Variants in STK39 observed in about 807,000 individuals in gnomAD.
STK39 encodes STE20/SPS1-related proline-alanine-rich protein kinase.
In STK39, 20 loss-of-function variants were observed where a neutral mutation model predicts 77.8. The ratio of observed to expected loss-of-function variants is 0.26; its 90% CI spans 0.18 to 0.37. The LOEUF is 0.37. Ranked by LOEUF, STK39 falls within the 10% of genes least tolerant of loss-of-function variation. The probability of loss-of-function intolerance (pLI) is 1.00; values close to 1 mark genes in which losing one functional copy is unlikely to be tolerated. For missense variants in STK39, 479 were observed against 656.5 expected, an observed-to-expected ratio of 0.73 and a Z score of 2.95; for synonymous variants, 246 against 234.1, an observed-to-expected ratio of 1.05 and a Z score of -0.47.
At chr2:168,209,165 T>C (rs150718808) in intron 1 of STK39, among the ~76,000 whole-genome samples, 23 of 152,100 alleles carry the variant, frequency 1.5e-4, no homozygotes, top group African/African-American at 5.3e-4. Flanking sequence ...CCTAGGCCCG[T>C]AGGAAGCAAA....
rs558640500 is a variant in STK39 at position 168,201,222 on chromosome 2, C to T, written c.209-19132G>A. Among the ~76,000 whole-genome samples, 70 of 152,344 alleles carry T rather than the reference C, an allele frequency of 4.6e-4. 1 individual carries two copies. Among genetic ancestry groups the T allele is most frequent in the African/African-American group, 1.5e-3 (62 of 41,574 alleles). On this transcript the variant is annotated intron_variant, in intron 1 of 17. Transcript: ENST00000355999. Reference sequence around the variant, plus strand: ...TTTATTAAGTATATGATGGGACATTCCTTCCGAGATTTTCTTTTTAAATAT... The same window carrying T: ...TTTATTAAGTATATGATGGGACATTTCTTCCGAGATTTTCTTTTTAAATAT...
At chr2:168,097,095 T>A (rs1217672562) in intron 10 of STK39, among the ~76,000 whole-genome samples, 1 of 152,202 alleles carries the variant, frequency 6.6e-6, no homozygotes, top group East Asian at 1.9e-4. Context: ...AGTATATCAC[T>A]TTTACCAACA....
At chr2:168,035,790 T>G (rs1040191150) in intron 14 of STK39, among the ~76,000 whole-genome samples, 1 of 152,210 alleles carries the variant, frequency 6.6e-6, no homozygotes, top group Non-Finnish European at 1.5e-5. Context: ...TGTGCTGTCC[T>G]TAAGATAATT....
In STK39 at chr2:168,138,142, C is replaced by A; in HGVS notation, c.920G>T (p.Gly307Val). 6.2e-7 allele frequency: 1 copy of A among 1,613,956 alleles called. No individual in the cohort carries two copies. Among genetic ancestry groups the A allele is most frequent in the Non-Finnish European group, 8.5e-7 (1 of 1,179,918 alleles). ...TGAAAGTAATTTTCTAAAGGACTTG[C>A]CGTACTTTTTCATCATTTCTTTATC... ...VEDKEMMKKY[G>V]KSFRKLLSLC... Residue 307 changes from glycine to valine, a missense_variant, in exon 8 of 18, where the codon GGC (glycine) becomes GTC (valine). Coordinates refer to ENST00000355999, the MANE Select transcript of STK39 (RefSeq NM_013233.3).
chr2:167,967,355 T>C (rs766216315), intron 16 of STK39, among the ~76,000 whole-genome samples: 1 of 152,196 alleles, frequency 6.6e-6, no homozygotes, highest in Non-Finnish European at 1.5e-5. Flanking sequence ...CCCCAGGGAC[T>C]GTGGCCCTCA....
chr2:168,148,684 C>T (rs1688204276), intron 5 of STK39, among the ~76,000 whole-genome samples: 1 of 152,186 alleles, frequency 6.6e-6, no homozygotes, highest in Admixed American at 6.5e-5. Context: ...TATTCCAGCA[C>T]ACCCACGGCC....
At chr2:168,190,520 T>G (rs1689313755) in intron 1 of STK39, among the ~76,000 whole-genome samples, 1 of 152,232 alleles carries the variant, frequency 6.6e-6, no homozygotes, top group African/African-American at 2.4e-5. Context: ...AATTTCAATT[T>G]TTAAAAACTG....
In STK39 at chr2:168,012,851, C is replaced by A. The variant is rs1339154059; in HGVS notation, c.1430-149G>T. On this transcript the variant is annotated intron_variant, in intron 15 of 17. Coordinates refer to ENST00000355999, the MANE Select transcript of STK39 (RefSeq NM_013233.3). The stretch of plus-strand genomic sequence containing the variant: ...GACTCTATCAGGAGAAAATCAGAAG[C>A]AACATGAAATACATTTTGCCACGTG... 5.8e-6 allele frequency: 3 copies of A among 520,074 alleles called. No homozygotes were observed. In the African/African-American group the frequency reaches 6.0e-5, roughly 10 times the overall value. The allele number at this position is 520,074 out of a possible 1,614,324, so 32.2% of individuals were successfully genotyped here. A position where few individuals can be genotyped will look rare whatever the true frequency, so the allele number is the denominator to read the frequency against.
chr2:168,194,296 T>C (rs1229213633), intron 1 of STK39, among the ~76,000 whole-genome samples: 4 of 152,124 alleles, frequency 2.6e-5, no homozygotes, highest in Non-Finnish European at 4.4e-5. Flanking sequence ...GGTGCAGGCA[T>C]GTAGTCTCAG....
chr2:168,214,367 TAATTCC>T (rs774492002), intron 1 of STK39, among the ~76,000 whole-genome samples: 1 of 152,232 alleles, frequency 6.6e-6, no homozygotes, highest in Non-Finnish European at 1.5e-5. Context: ...ACATATTGTT[TAATTCC>T]ATTTATATTC....
At chr2:168,159,675 T>C (rs967771114) in intron 5 of STK39, among the ~76,000 whole-genome samples, 1 of 152,176 alleles carries the variant, frequency 6.6e-6, no homozygotes, top group Non-Finnish European at 1.5e-5. Context: ...GTTCCAGAGA[T>C]GCAGAAGCTG....
At chr2:168,139,395 T>C (rs976789980) in intron 7 of STK39, among the ~76,000 whole-genome samples, 1 of 124,564 alleles carries the variant, frequency 8.0e-6, no homozygotes, top group Non-Finnish European at 1.6e-5. Flanking sequence ...ATCCTAACTA[T>C]GTTAAAAAAA....
chr2:168,213,115 T>G (rs540844575), intron 1 of STK39, among the ~76,000 whole-genome samples: 17 of 152,182 alleles, frequency 1.1e-4, no homozygotes, highest in Admixed American at 4.6e-4. Flanking sequence ...AAACTGGGAG[T>G]TGCAAGAAGA....
At chr2:168,015,836 G>T (rs1047289766) in intron 15 of STK39, among the ~76,000 whole-genome samples, 9 of 152,214 alleles carry the variant, frequency 5.9e-5, no homozygotes, top group African/African-American at 2.2e-4. Context: ...GACAACACTA[G>T]CTGGTGCTGT....
chr2:168,200,719 T>TAAAATAAAATAAAAA (rs1689592898), intron 1 of STK39, among the ~76,000 whole-genome samples: 1 of 145,620 alleles, frequency 6.9e-6, no homozygotes, highest in African/African-American at 2.5e-5. Context: ...TAAAATAAAA[T>TAAAATAAAATAAAAA]GGGAACTTAA....
At chr2:168,074,100 G>A (rs767486336) in intron 12 of STK39, among the ~76,000 whole-genome samples, 1 of 152,034 alleles carries the variant, frequency 6.6e-6, no homozygotes, top group African/African-American at 2.4e-5. Flanking sequence ...GAGAAGAAAG[G>A]GTGGCCTGTG....
rs1553465763 is a variant in STK39, at chr2:168,247,544, C to CCGCCGCCG, written c.-110_-109insCGGCGGCG. ...TCTCGGCCGGCGCACGCCCTCCCCG[C>CCGCCGCCG]CCGCCGCCGCCGCCGCCGTCCCCGC... On this transcript the variant is annotated 5_prime_UTR_variant, in exon 1 of 18. Coordinates refer to ENST00000355999, the MANE Select transcript of STK39 (RefSeq NM_013233.3). 9 of 478,756 alleles carry CCGCCGCCG rather than the reference C, an allele frequency of 1.9e-5. No homozygotes were observed. Among genetic ancestry groups the CCGCCGCCG allele is most frequent in the Non-Finnish European group, 2.3e-5 (8 of 348,672 alleles). 29.7% of individuals were successfully genotyped at this position (478,756 alleles called of 1,614,324 possible). A position where few individuals can be genotyped will look rare whatever the true frequency, so the allele number is the denominator to read the frequency against.
At chr2:168,022,524 C>T (rs1014284132) in intron 14 of STK39, among the ~76,000 whole-genome samples, 4 of 152,138 alleles carry the variant, frequency 2.6e-5, no homozygotes, top group East Asian at 1.9e-4. Context: ...CAGGATTGGA[C>T]TCAATGTTGC....
chr2:167,999,260 T>C (rs532011916), intron 16 of STK39, among the ~76,000 whole-genome samples: 1 of 152,328 alleles, frequency 6.6e-6, no homozygotes, highest in East Asian at 1.9e-4. Flanking sequence ...CCCCATGTTT[T>C]TTCATTATTG....
Sources: allele counts gnomAD v4.1 joint callset (sites outside exome capture counted in the v4.1 genomes callset), GRCh38; gene constraint gnomAD v4.1.1; transcripts MANE v1.5; gene names NCBI Gene and HGNC (gene_info 2026-07-23, HGNC 2026-07-21).